Variants in KCNMA1 observed in about 807,000 individuals in gnomAD.
The protein encoded by KCNMA1 is potassium calcium-activated channel subfamily M alpha 1.
KCNMA1 carries 29 observed loss-of-function variants against 140.0 expected under a neutral mutation model. The ratio of observed to expected loss-of-function variants is 0.21; its 90% CI spans 0.15 to 0.28. KCNMA1 has a LOEUF of 0.28. Ranked by LOEUF, KCNMA1 falls within the 10% of genes least tolerant of loss-of-function variation. The pLI, the probability that KCNMA1 is intolerant of heterozygous loss-of-function variation, is 1.00. For missense variants in KCNMA1, 880 were observed against 1,602.2 expected (o/e 0.55, Z 7.70); for synonymous variants, 612 against 611.9 (o/e 1.00, Z 0.00).
intron 16 of KCNMA1, chr10:77,020,103 C>T (rs2092657810): frequency 6.6e-6 from 1 of 152,116 alleles, no homozygotes; most frequent in Non-Finnish European, 1.5e-5. Flanking sequence ...CTGAATAAAA[C>T]AACAGATACA....
chr10:77,560,372 T>C (rs1229224865), intron 1 of KCNMA1, among the ~76,000 whole-genome samples: 2 of 152,206 alleles, frequency 1.3e-5, no homozygotes, highest in Non-Finnish European at 2.9e-5. Flanking sequence ...AAGTATTGGG[T>C]TGAGAAAGAA....
intron 5 of KCNMA1, among the ~76,000 whole-genome samples, chr10:77,146,701 C>CAAAAAAAAAA (rs5786266): frequency 9.3e-4 from 60 of 64,178 alleles, no homozygotes; most frequent in Non-Finnish European, 1.2e-3. Flanking sequence ...GACTTCATCT[C>CAAAAAAAAAA]AAAAAAAAAA....
chr10:77,456,872 A>G (rs1367782742), intron 1 of KCNMA1, among the ~76,000 whole-genome samples: 2 of 152,202 alleles, frequency 1.3e-5, no homozygotes, highest in Non-Finnish European at 2.9e-5. Context: ...GACAACATCC[A>G]GTAGGACCCT....
chr10:76,953,490 A>C (rs2067045963), intron 21 of KCNMA1, among the ~76,000 whole-genome samples: 1 of 152,198 alleles, frequency 6.6e-6, no homozygotes, highest in African/African-American at 2.4e-5. Context: ...TAATTGGTAC[A>C]GGCAGGCTCT....
chr10:76,998,471 T>C (rs1340577528), intron 19 of KCNMA1, among the ~76,000 whole-genome samples: 2 of 152,140 alleles, frequency 1.3e-5, no homozygotes, highest in Non-Finnish European at 2.9e-5. Flanking sequence ...AATGAGTGTC[T>C]TGGGAAACAA....
intron 1 of KCNMA1, among the ~76,000 whole-genome samples, chr10:77,453,364 T>TAAATAA (rs35883503): frequency 0.12 from 17,916 of 144,998 alleles, 1,140 homozygotes; most frequent in East Asian, 0.18. Flanking sequence ...AATAAATAAA[T>TAAATAA]ATAAATAAAT....
At chr10:76,975,867 T>C (rs150715698) in intron 19 of KCNMA1, among the ~76,000 whole-genome samples, 19 of 152,296 alleles carry the variant, frequency 1.2e-4, no homozygotes, top group African/African-American at 4.6e-4. Context: ...TGGTGTGCAG[T>C]GGTGTTATCT....
At chr10:77,550,110 G>A (rs922753268) in intron 1 of KCNMA1, among the ~76,000 whole-genome samples, 2 of 152,240 alleles carry the variant, frequency 1.3e-5, no homozygotes, top group Non-Finnish European at 2.9e-5. Context: ...AAGCCAGGCA[G>A]TGATGCTCAC....
intron 5 of KCNMA1, among the ~76,000 whole-genome samples, chr10:77,171,217 G>A (rs544772438): frequency 6.6e-6 from 1 of 152,128 alleles, no homozygotes; most frequent in Non-Finnish European, 1.5e-5. Flanking sequence ...AAACTCTGGG[G>A]ATGGAACACC....
At chr10:77,538,542 G>A (rs1470624796) in intron 1 of KCNMA1, among the ~76,000 whole-genome samples, 1 of 152,192 alleles carries the variant, frequency 6.6e-6, no homozygotes, top group Non-Finnish European at 1.5e-5. Flanking sequence ...CTTACTAGCT[G>A]TGTGGCCTTG....
chr10:77,467,972 A>C (rs1397189470), intron 1 of KCNMA1, among the ~76,000 whole-genome samples: 3 of 152,198 alleles, frequency 2.0e-5, no homozygotes, highest in African/African-American at 7.2e-5. Flanking sequence ...TGAATAGTAC[A>C]ATCATATTGT....
At chr10:77,441,113 G>A (rs2097389478) in intron 1 of KCNMA1, among the ~76,000 whole-genome samples, 1 of 152,036 alleles carries the variant, frequency 6.6e-6, no homozygotes, top group African/African-American at 2.4e-5. Flanking sequence ...GTGAGCCACC[G>A]CGCCCGGCCA....
At chr10:76,877,765 T>C (rs759422778) in exon 30 of KCNMA1, 7 of 1,559,958 alleles carry the variant, frequency 4.5e-6, no homozygotes, top group African/African-American at 4.1e-5. Context: ...ACTTCTCTGA[T>C]TGGTGGAATC....
intron 14 of KCNMA1, among the ~76,000 whole-genome samples, chr10:77,065,650 TA>T (rs1193406464): frequency 4.0e-5 from 6 of 151,086 alleles, no homozygotes; most frequent in African/African-American, 7.3e-5. Context: ...CTGACTTATT[TA>T]AAAAAAAACA....
Position 77,624,964 on chromosome 10 carries a change from G to A in KCNMA1, c.378+12301C>T, listed in dbSNP as rs141517508. The stretch of plus-strand genomic sequence containing the variant: ...CCACCGAGAAAACAAGAACGCCACC[G>A]TAAAGAACATGTCAGGGAAGGAAAT... On this transcript the variant is annotated intron_variant, in intron 1 of 27. Coordinates refer to ENST00000286628, the MANE Select transcript of KCNMA1 (RefSeq NM_001161352.2). Among the ~76,000 whole-genome samples, 761 of 152,178 alleles carry A rather than the reference G, an allele frequency of 5.0e-3. 8 individuals are homozygous for A. The highest frequency in any genetic ancestry group is 0.018 in the African/African-American group (733 of 41,490).
chr10:77,417,379 T>G (rs890575104), intron 1 of KCNMA1, among the ~76,000 whole-genome samples: 8 of 152,082 alleles, frequency 5.3e-5, no homozygotes, highest in Admixed American at 5.2e-4. Flanking sequence ...ACCGATTGAG[T>G]AAATTAAATC....
intron 1 of KCNMA1, among the ~76,000 whole-genome samples, chr10:77,462,728 G>C (rs1423826974): frequency 1.3e-5 from 2 of 152,220 alleles, no homozygotes; most frequent in African/African-American, 4.8e-5. Flanking sequence ...CTGGTGTCTT[G>C]AACACAACTA....
intron 1 of KCNMA1, chr10:77,636,786 C>A: frequency 6.9e-7 from 1 of 1,453,498 alleles, no homozygotes; most frequent in Non-Finnish European, 9.0e-7. Context: ...TCTTTCTGAC[C>A]CCACGAACTC....
At chr10:76,920,020 G>GTATATGTA (rs1554921803) in intron 23 of KCNMA1, among the ~76,000 whole-genome samples, 2 of 34,432 alleles carry the variant, frequency 5.8e-5, no homozygotes, top group East Asian at 1.3e-3. Flanking sequence ...GTGTGTGTGT[G>GTATATGTA]TATATATATA....
Sources: gnomAD v4.1 joint callset for allele counts (sites outside exome capture counted in the v4.1 genomes callset) on GRCh38, gnomAD v4.1.1 for gene constraint, MANE v1.5 for transcripts, NCBI Gene and HGNC (gene_info 2026-07-23, HGNC 2026-07-21) for gene names.